The following DMD variants were observed in gnomAD, a reference collection of about 807,000 sequenced individuals.
DMD encodes the protein dystrophin, also known as mutant dystrophin.
A neutral mutation model predicts 330.1 loss-of-function variants in DMD; 63 were observed. The observed-to-expected ratio is 0.19, with a 90% confidence interval of 0.16 to 0.24. The LOEUF is 0.24. DMD is among the 10% of genes least tolerant of loss of function. The pLI is 1.00. For synonymous variants in DMD, 1,223 were observed against 959.8 expected, an observed-to-expected ratio of 1.27 and a Z score of -5.07; for missense variants, 3,344 against 2,684.1, an observed-to-expected ratio of 1.25 and a Z score of -5.43.
At chrX:31,210,637 G>A (rs1333443609) in intron 64 of DMD, among the ~76,000 whole-genome samples, 1 of 111,948 alleles carries the variant, frequency 8.9e-6, no homozygotes. Flanking sequence ...AGTCCTTTGA[G>A]GCAAGGAATC....
At chrX:31,860,616 A>G (rs2093683117) in intron 48 of DMD, among the ~76,000 whole-genome samples, 1 of 112,246 alleles carries the variant, frequency 8.9e-6, no homozygotes, top group African/African-American at 3.2e-5. Context: ...GAAGACTGGG[A>G]AAGTGCAGTT....
At position 32,325,762 on chromosome X, in the gene DMD, T is replaced by C. The variant is rs16990226; in HGVS notation, c.5923-15486A>G. ...CTAATAGCACTCTTATGTGACAGCA[T>C]CCAATACTCGATATATTTTAATTGA... On this transcript the variant is annotated intron_variant, in intron 41 of 78. Coordinates refer to ENST00000357033, the MANE Select transcript of DMD (RefSeq NM_004006.3). 4.8e-3 allele frequency among the ~76,000 whole-genome samples: 528 copies of C among 109,291 alleles called. 4 individuals carry two copies. Among genetic ancestry groups the C allele is most frequent in the African/African-American group, 0.017 (508 of 30,061 alleles). The allele number at this position is 109,291 out of a possible 115,157, so 94.9% of individuals were successfully genotyped here. A position where few individuals can be genotyped will look rare whatever the true frequency, so the allele number is the denominator to read the frequency against.
At chrX:31,139,517 A>C (rs768990228) in intron 76 of DMD, among the ~76,000 whole-genome samples, 10 of 109,573 alleles carry the variant, frequency 9.1e-5, no homozygotes, top group African/African-American at 3.4e-4. Flanking sequence ...ACGCCATGGA[A>C]TATTAGTCAT....
intron 60 of DMD, among the ~76,000 whole-genome samples, chrX:31,370,896 A>T (rs1441142096): frequency 8.9e-6 from 1 of 112,225 alleles, no homozygotes; most frequent in African/African-American, 3.2e-5. Flanking sequence ...TCTCTAGGGA[A>T]TTATGTTGAG....
intron 1 of DMD, among the ~76,000 whole-genome samples, chrX:33,189,759 G>C (rs768647267): frequency 9.0e-6 from 1 of 111,324 alleles, no homozygotes; most frequent in African/African-American, 3.3e-5. Context: ...CACGGAGTTG[G>C]CATTAGTCTC....
At chrX:32,734,181 C>T (rs1399771238) in intron 7 of DMD, among the ~76,000 whole-genome samples, 2 of 109,190 alleles carry the variant, frequency 1.8e-5, no homozygotes, top group African/African-American at 3.4e-5. Context: ...GGATAAATTC[C>T]TGCACACATA....
At chrX:33,060,928 G>T (rs1451127874) in intron 1 of DMD, among the ~76,000 whole-genome samples, 1 of 111,456 alleles carries the variant, frequency 9.0e-6, no homozygotes, top group Non-Finnish European at 1.9e-5. Context: ...AGAAACATTG[G>T]GTTAAACTAA....
intron 1 of DMD, among the ~76,000 whole-genome samples, chrX:33,300,837 T>G (rs1300008168): frequency 2.7e-5 from 3 of 111,973 alleles, no homozygotes; most frequent in Non-Finnish European, 5.6e-5. Flanking sequence ...TTGCTGTCTC[T>G]TTTACATACT....
rs1205357826 is a variant in DMD at position 33,009,693 on chromosome X, T to C, written c.93+10446A>G. 1.8e-4 allele frequency among the ~76,000 whole-genome samples: 9 copies of C among 49,763 alleles called. 2 individuals are homozygous for C. Among genetic ancestry groups the C allele is most frequent in the Admixed American group, 5.5e-4 (3 of 5,409 alleles). 43.2% of individuals were successfully genotyped at this position (49,763 alleles called of 115,157 possible). ...GTATACGTATATGTGTATATGCACA[T>C]ATGTGTGTATACGTATATGTGTATA... On this transcript the variant is annotated intron_variant, in intron 2 of 78. Coordinates refer to ENST00000357033, the MANE Select transcript of DMD (RefSeq NM_004006.3).
At chrX:31,347,741 T>C (rs755592928) in intron 61 of DMD, among the ~76,000 whole-genome samples, 2 of 112,681 alleles carry the variant, frequency 1.8e-5, no homozygotes, top group Non-Finnish European at 3.8e-5. Context: ...TTGGGATGGA[T>C]AACCAGTAGT....
chrX:31,746,819 C>T (rs1467475944), intron 51 of DMD, among the ~76,000 whole-genome samples: 1 of 110,468 alleles, frequency 9.1e-6, no homozygotes, highest in Admixed American at 9.7e-5. Flanking sequence ...CTCACACAGA[C>T]AACATCCGAA....
At chrX:31,943,047 T>C (rs2095028022) in intron 45 of DMD, among the ~76,000 whole-genome samples, 1 of 112,389 alleles carries the variant, frequency 8.9e-6, no homozygotes, top group Admixed American at 9.4e-5. Context: ...TCACCACCTG[T>C]TTTTGTAAAT....
intron 62 of DMD, among the ~76,000 whole-genome samples, chrX:31,306,489 A>C (rs918618537): frequency 3.6e-5 from 4 of 111,878 alleles, no homozygotes; most frequent in African/African-American, 6.5e-5. Context: ...TCCCAAATTA[A>C]ATTTCCCACA....
chrX:31,838,229 C>A (rs763216149), intron 48 of DMD, among the ~76,000 whole-genome samples: 98 of 111,699 alleles, frequency 8.8e-4, no homozygotes, highest in Non-Finnish European at 1.2e-3. Flanking sequence ...TGCAAAAAAA[C>A]ATTTTGGTGT....
intron 56 of DMD, among the ~76,000 whole-genome samples, chrX:31,503,727 T>C (rs1197742018): frequency 9.0e-6 from 1 of 111,296 alleles, no homozygotes; most frequent in Non-Finnish European, 1.9e-5. Context: ...CCAGCAAGGG[T>C]ACATACTCAT....
chrX:31,186,117 C>T (rs1476365839), intron 67 of DMD, among the ~76,000 whole-genome samples: 1 of 111,807 alleles, frequency 8.9e-6, no homozygotes, highest in Non-Finnish European at 1.9e-5. Flanking sequence ...AACAGCACTC[C>T]AGTCATTACC....
intron 44 of DMD, among the ~76,000 whole-genome samples, chrX:32,051,441 G>C (rs1342069893): frequency 2.7e-5 from 3 of 110,312 alleles, no homozygotes; most frequent in Non-Finnish European, 5.7e-5. Context: ...TGTAATGATA[G>C]AATGTAATTT....
At chrX:32,603,455 A>G (rs1196396410) in intron 12 of DMD, among the ~76,000 whole-genome samples, 2 of 111,678 alleles carry the variant, frequency 1.8e-5, no homozygotes, top group South Asian at 3.7e-4. Context: ...TCAATGAACT[A>G]GAAAACCAAG....
chrX:31,711,717 C>A (rs2084653318), intron 52 of DMD, among the ~76,000 whole-genome samples: 1 of 110,484 alleles, frequency 9.1e-6, no homozygotes, highest in African/African-American at 3.3e-5. Context: ...TAGGAAGACC[C>A]TGAAAAAGAG....
Sources: gnomAD v4.1 joint callset for allele counts (sites outside exome capture counted in the v4.1 genomes callset) on GRCh38, gnomAD v4.1.1 for gene constraint, MANE v1.5 for transcripts, NCBI Gene and HGNC (gene_info 2026-07-23, HGNC 2026-07-21) for gene names.